GPATCH8: variants seen among roughly 807,000 people sequenced by gnomAD.
GPATCH8 encodes the protein G patch domain-containing protein 8.
GPATCH8 carries 18 observed loss-of-function variants against 118.3 expected under a neutral mutation model. The ratio of observed to expected loss-of-function variants is 0.15; its 90% CI spans 0.11 to 0.23. The LOEUF is 0.23. Among genes scored for constraint, GPATCH8 ranks in the 10% least tolerant of loss-of-function variants. The pLI is 1.00. For synonymous variants in GPATCH8, 659 were observed against 684.7 expected, an observed-to-expected ratio of 0.96 and a Z score of 0.59; for missense variants, 1,631 against 1,873.8, an observed-to-expected ratio of 0.87 and a Z score of 2.39.
At chr17:44,445,593 C>T (rs1277722129) in intron 3 of GPATCH8, among the ~76,000 whole-genome samples, 3 of 151,984 alleles carry the variant, frequency 2.0e-5, no homozygotes, top group Non-Finnish European at 2.9e-5. Flanking sequence ...GCAACCTTCA[C>T]TTCCTAGGTT....
intron 1 of GPATCH8, among the ~76,000 whole-genome samples, chr17:44,481,100 G>T (rs1016466074): frequency 6.6e-6 from 1 of 152,090 alleles, no homozygotes; most frequent in Admixed American, 6.6e-5. Flanking sequence ...TGGTAGAGAT[G>T]GGGTTTTGCC....
intron 3 of GPATCH8, among the ~76,000 whole-genome samples, chr17:44,445,422 A>G (rs954978503): frequency 1.3e-5 from 2 of 152,212 alleles, no homozygotes; most frequent in African/African-American, 4.8e-5. Context: ...GCTTCCTTCA[A>G]GTACCCAGTA....
At chr17:44,485,867 A>G (rs1205462356) in intron 1 of GPATCH8, among the ~76,000 whole-genome samples, 1 of 152,186 alleles carries the variant, frequency 6.6e-6, no homozygotes, top group East Asian at 1.9e-4. Context: ...TGCCCTATAT[A>G]AGAACATTTT....
chr17:44,397,762 T>C lies in GPATCH8; in HGVS notation c.4315A>G (p.Ile1439Val). 6.3e-7 allele frequency: 1 copy of C among 1,585,734 alleles called. No individual in the cohort carries two copies. Among genetic ancestry groups the C allele is most frequent in the East Asian group, 2.3e-5 (1 of 44,428 alleles). Reference sequence around the variant, plus strand: ...ATGGCTGAGGCGGGAATGATGTGGATGGGATGGCTAGCGAGAAAGGTGGCA... The same window carrying C: ...ATGGCTGAGGCGGGAATGATGTGGACGGGATGGCTAGCGAGAAAGGTGGCA... ...HPATFLASHP[I>V]HIIPASAIHP... Residue 1439 changes from isoleucine to valine, a missense_variant, in exon 8 of 8, where the codon ATC (isoleucine) becomes GTC (valine). Ile to Val is a conservative substitution (Grantham distance 29, BLOSUM62 3). Transcript: ENST00000591680.
At chr17:44,413,710 C>T (rs774608919) in intron 6 of GPATCH8, among the ~76,000 whole-genome samples, 2 of 152,152 alleles carry the variant, frequency 1.3e-5, no homozygotes, top group Non-Finnish European at 2.9e-5. Flanking sequence ...GCCTCCACCT[C>T]CTGGGTTCCA....
At chr17:44,462,740 T>C (rs1177126182) in intron 3 of GPATCH8, among the ~76,000 whole-genome samples, 2 of 152,038 alleles carry the variant, frequency 1.3e-5, no homozygotes, top group Non-Finnish European at 2.9e-5. Context: ...CCCAGCACTT[T>C]TGGAGGCCGA....
chr17:44,412,004 C>A (rs964797523), intron 6 of GPATCH8, among the ~76,000 whole-genome samples: 1 of 152,182 alleles, frequency 6.6e-6, no homozygotes, highest in African/African-American at 2.4e-5. Context: ...CTCACCGCAA[C>A]CTCTGCCTCC....
intron 2 of GPATCH8, chr17:44,464,806 A>G (rs1172862242): frequency 4.5e-6 from 2 of 445,270 alleles, no homozygotes; most frequent in Non-Finnish European, 8.2e-6. Flanking sequence ...TAACATTTTT[A>G]AATGGAGTAA....
chr17:44,416,759 T>A (rs988036317), intron 6 of GPATCH8, among the ~76,000 whole-genome samples: 1 of 152,164 alleles, frequency 6.6e-6, no homozygotes, highest in African/African-American at 2.4e-5. Flanking sequence ...GTTAATTAAA[T>A]CATGTATTAA....
Position 44,396,439 on chromosome 17 carries a change from C to A in GPATCH8, c.*1129G>T. 1 of 454,398 alleles carries A rather than the reference C, an allele frequency of 2.2e-6. No individual in the cohort carries two copies. The highest frequency in any genetic ancestry group is 4.4e-6 in the Non-Finnish European group (1 of 226,802). 28.1% of individuals were successfully genotyped at this position (454,398 alleles called of 1,614,324 possible). ...ATCCCAATACTGGGGGCACTACATA[C>A]TGCAAATTACTTAACATTTTGTCCC... On this transcript the variant is annotated 3_prime_UTR_variant, in exon 8 of 8. Coordinates refer to ENST00000591680, the MANE Select transcript of GPATCH8 (RefSeq NM_001002909.4).
intron 3 of GPATCH8, among the ~76,000 whole-genome samples, chr17:44,439,061 T>A (rs576888018): frequency 8.9e-4 from 135 of 152,278 alleles, no homozygotes; most frequent in Non-Finnish European, 1.5e-3. Flanking sequence ...GTAGGACTTT[T>A]AAAAGAAATG....
Position 44,397,228 on chromosome 17 carries a change from A to C in GPATCH8, c.*340T>G. ...AATGTTTTAAAATTTACAGAAGGGA[A>C]GAGCAGAGGAAAAAAGCAGAGGGAG... On this transcript the variant is annotated 3_prime_UTR_variant, in exon 8 of 8. Coordinates refer to ENST00000591680, the MANE Select transcript of GPATCH8 (RefSeq NM_001002909.4). 2.0e-6 allele frequency: 1 copy of C among 492,982 alleles called. No homozygotes were observed. 30.5% of individuals were successfully genotyped at this position (492,982 alleles called of 1,614,324 possible). A position where few individuals can be genotyped will look rare whatever the true frequency, so the allele number is the denominator to read the frequency against.
chr17:44,448,509 G>A, intron 3 of GPATCH8, among the ~76,000 whole-genome samples: 1 of 115,616 alleles, frequency 8.6e-6, no homozygotes, highest in South Asian at 3.6e-4. Context: ...AAAAAGGGGG[G>A]GGGGGGAAGA....
intron 5 of GPATCH8, among the ~76,000 whole-genome samples, chr17:44,434,605 C>T (rs867772623): frequency 3.2e-4 from 49 of 151,918 alleles, no homozygotes; most frequent in African/African-American, 1.2e-3. Flanking sequence ...TTTGGGAGGC[C>T]GAGGCGGGTG....
chr17:44,448,159 C>CT (rs1240341145), intron 3 of GPATCH8, among the ~76,000 whole-genome samples: 5 of 152,116 alleles, frequency 3.3e-5, no homozygotes, highest in African/African-American at 1.2e-4. Flanking sequence ...GAAAGATACT[C>CT]TAAAACAGAA....
chr17:44,441,711 G>A (rs771523299), intron 3 of GPATCH8, among the ~76,000 whole-genome samples: 5 of 144,728 alleles, frequency 3.5e-5, no homozygotes, highest in South Asian at 2.2e-4. Context: ...GCAACACAAC[G>A]ACACTCCTTC....
intron 1 of GPATCH8, among the ~76,000 whole-genome samples, chr17:44,476,058 A>C (rs1314395672): frequency 6.6e-6 from 1 of 152,144 alleles, no homozygotes; most frequent in East Asian, 1.9e-4. Context: ...CTTATTAGGA[A>C]TCTAGGCCTA....
chr17:44,446,052 A>T (rs1050607293), intron 3 of GPATCH8: 2 of 151,608 alleles, frequency 1.3e-5, no homozygotes, highest in Non-Finnish European at 2.9e-5. Flanking sequence ...TGATCCTCCC[A>T]CCTCAGCCTC....
intron 5 of GPATCH8, among the ~76,000 whole-genome samples, chr17:44,433,419 C>G (rs1445842206): frequency 6.6e-6 from 1 of 152,172 alleles, no homozygotes; most frequent in Non-Finnish European, 1.5e-5. Context: ...GACATACTCT[C>G]TCTCCTCAAT....
Sources: gnomAD v4.1 joint callset for allele counts (sites outside exome capture counted in the v4.1 genomes callset) on GRCh38, gnomAD v4.1.1 for gene constraint, MANE v1.5 for transcripts, NCBI Gene and HGNC (gene_info 2026-07-23, HGNC 2026-07-21) for gene names.